RTRAF: variants seen among roughly 807,000 people sequenced by gnomAD.
RTRAF encodes tRNA-splicing ligase complex subunit RTRAF.
A neutral mutation model predicts 34.4 loss-of-function variants in RTRAF; 14 were observed. That is an observed-to-expected ratio of 0.41 (90% CI 0.27 to 0.64). The LOEUF (loss-of-function observed/expected upper bound fraction) is 0.64. Among genes scored for constraint, RTRAF ranks in the 30% least tolerant of loss-of-function variants. RTRAF has a pLI of 0.34. For synonymous variants in RTRAF, 96 were observed against 95.3 expected (o/e 1.01, Z -0.04); for missense variants, 291 against 288.4 (o/e 1.01, Z -0.06).
At position 51,991,300 on chromosome 14, in the gene RTRAF, G is replaced by T; in HGVS notation, c.62-17G>T. The stretch of plus-strand genomic sequence containing the variant: ...ATGTAGTGCTTCTAGTTATTTATGT[G>T]ATATTTTTTATTGCAGATGAAACAG... On this transcript the variant is annotated splice_polypyrimidine_tract_variant and intron_variant, in intron 1 of 7. Transcript: ENST00000261700. 1 of 1,609,948 alleles carries T rather than the reference G, an allele frequency of 6.2e-7. No individual in the cohort carries two copies. The highest frequency in any genetic ancestry group is 1.1e-5 in the South Asian group (1 of 90,752).
At position 52,001,666 on chromosome 14, in the gene RTRAF, A is replaced by G. The variant is rs893896171; in HGVS notation, c.463-132A>G. On this transcript the variant is annotated intron_variant, in intron 5 of 7. Coordinates refer to ENST00000261700, the MANE Select transcript of RTRAF (RefSeq NM_016039.3). ...GTGGGTTTTTTTTATTTTTAATTTA[A>G]TGGGGAGTTTATTAATGAACTTAGG... 4 of 651,440 alleles carry G rather than the reference A, an allele frequency of 6.1e-6. No homozygotes were observed. In the African/African-American group the frequency reaches 7.6e-5, roughly 12 times the overall value. 40.4% of individuals were successfully genotyped at this position (651,440 alleles called of 1,614,324 possible).
chr14:52,003,596 A>C (rs1203224935), intron 6 of RTRAF, among the ~76,000 whole-genome samples: 1 of 152,218 alleles, frequency 6.6e-6, no homozygotes. Context: ...GAAGTTTGGC[A>C]TCACCATAGT....
At chr14:52,002,713 AATG>A (rs1403569164) in intron 6 of RTRAF, among the ~76,000 whole-genome samples, 6 of 152,190 alleles carry the variant, frequency 3.9e-5, no homozygotes, top group African/African-American at 7.2e-5. Context: ...CTCCTGCAGC[AATG>A]ATGTTGTAGT....
rs145760434 is a variant in RTRAF, at chr14:52,008,182, T to C, written c.*3666T>C. ...CTGCCGATATTCGGTCTCAAAAAAC[T>C]GGTTTCTGCCTTAGGGGCTCTCTCT... On this transcript the variant is annotated 3_prime_UTR_variant, in exon 8 of 8. Transcript: ENST00000261700. 1,497 of 450,518 alleles carry C rather than the reference T, an allele frequency of 3.3e-3. 3 individuals carry two copies. Among genetic ancestry groups the C allele is most frequent in the Admixed American group, 7.3e-3 (179 of 24,464 alleles). 27.9% of individuals were successfully genotyped at this position (450,518 alleles called of 1,614,324 possible).
Position 52,006,672 on chromosome 14 carries a change from A to T in RTRAF, c.*2156A>T. 6.2e-7 allele frequency: 1 copy of T among 1,613,050 alleles called. No homozygotes were observed. On this transcript the variant is annotated 3_prime_UTR_variant, in exon 8 of 8. Transcript: ENST00000261700. ...CAGTTTTTTGGTTCCTTTTAAAACA[A>T]AGGGGGAAAATGAGGTCCTTCAGCT...
Position 51,989,681 on chromosome 14 carries a change from C to A in RTRAF, c.42C>A (p.Pro14=). The change falls in exon 1 of 8, where the codon CCC becomes CCA. Residue 14 remains proline, a synonymous_variant. Transcript: ENST00000261700. ...TGACGGCTCTCGACTACCACAACCC[C>A]GCCGGCTTCAACTGCAAAGGTGAGG... ...RKLTALDYHN[P]AGFNCKDETE... The A allele has an allele frequency of 6.2e-7, 1 of 1,605,268 alleles. No homozygotes were observed. The highest frequency in any genetic ancestry group is 2.3e-5 in the East Asian group (1 of 44,090).
rs771401339 is a variant in RTRAF, at chr14:52,004,329, G to A, written c.581-33G>A. The A allele has an allele frequency of 2.1e-5, 34 of 1,610,172 alleles. No individual in the cohort carries two copies. In the Admixed American group the frequency reaches 3.2e-4, roughly 15 times the overall value. ...AAATGGCCTTAAATGTAAAAATTAT[G>A]TATTGAAGCAGTGTTCTTTTCTCAT... On this transcript the variant is annotated intron_variant, in intron 7 of 7. Coordinates refer to ENST00000261700, the MANE Select transcript of RTRAF (RefSeq NM_016039.3).
At chr14:52,001,533 G>T (rs1184011267) in intron 5 of RTRAF, among the ~76,000 whole-genome samples, 1 of 152,046 alleles carries the variant, frequency 6.6e-6, no homozygotes, top group Non-Finnish European at 1.5e-5. Context: ...ATTTAAAGTT[G>T]TTTTTTACCA....
chr14:51,993,437 T>C (rs2140327216), intron 2 of RTRAF, among the ~76,000 whole-genome samples: 1 of 152,306 alleles, frequency 6.6e-6, no homozygotes, highest in East Asian at 1.9e-4. Flanking sequence ...AAAGCTTAGA[T>C]TCTAGTCCCA....
intron 7 of RTRAF, 39 bp downstream of exon 7, chr14:52,004,281 A>G (rs909491485): frequency 6.3e-7 from 1 of 1,597,226 alleles, no homozygotes; most frequent in Admixed American, 1.7e-5. Context: ...TTTTTTTTAC[A>G]GACTGAATAC....
chr14:51,995,580 C>T (rs1890506248), intron 3 of RTRAF, among the ~76,000 whole-genome samples: 1 of 152,132 alleles, frequency 6.6e-6, no homozygotes, highest in Non-Finnish European at 1.5e-5. Flanking sequence ...TTGGGGGGTA[C>T]AGGTCAATAT....
rs918171480 is a variant in RTRAF at position 52,006,392 on chromosome 14, T to G, written c.*1876T>G. 1 of 813,698 alleles carries G rather than the reference T, an allele frequency of 1.2e-6. No individual in the cohort carries two copies. The highest frequency in any genetic ancestry group is 1.8e-5 in the South Asian group (1 of 56,384). The allele number at this position is 813,698 out of a possible 1,614,324, so 50.4% of individuals were successfully genotyped here. ...AAGGATGAAAAACATCCTTGAAGGA[T>G]CTTATCTGCCAATGAGGAGGTGATG... On this transcript the variant is annotated 3_prime_UTR_variant, in exon 8 of 8. Coordinates refer to ENST00000261700, the MANE Select transcript of RTRAF (RefSeq NM_016039.3).
chr14:51,989,737 A>C (rs750176030), intron 1 of RTRAF, 37 bp downstream of exon 1: 1 of 1,569,924 alleles, frequency 6.4e-7, no homozygotes, highest in Non-Finnish European at 8.6e-7. Context: ...CGTGTCCCTG[A>C]CCTGGGCGGA....
rs551517066 is a variant in RTRAF, at chr14:52,004,527, A to ACTT, written c.*13_*15dup. 402 of 1,608,418 alleles carry ACTT rather than the reference A, an allele frequency of 2.5e-4. No homozygotes were observed. The African/African-American group carries it at 3.8e-3, about 15-fold the overall frequency. On this transcript the variant is annotated 3_prime_UTR_variant, in exon 8 of 8. Coordinates refer to ENST00000261700, the MANE Select transcript of RTRAF (RefSeq NM_016039.3). Reference sequence around the variant, plus strand: ...AAAGTTGGAAGATGAACACTTGAGGACTTCAGCTTCTCACCTACTTAGTAC... The same window carrying ACTT: ...AAAGTTGGAAGATGAACACTTGAGGACTTCTTCAGCTTCTCACCTACTTAGTAC...
At position 52,008,084 on chromosome 14, in the gene RTRAF, T is replaced by G; in HGVS notation, c.*3568T>G. 1 of 793,532 alleles carries G rather than the reference T, an allele frequency of 1.3e-6. No individual in the cohort carries two copies. The highest frequency in any genetic ancestry group is 2.0e-6 in the Non-Finnish European group (1 of 508,122). The allele number at this position is 793,532 out of a possible 1,614,324, so 49.2% of individuals were successfully genotyped here. A position where few individuals can be genotyped will look rare whatever the true frequency, so the allele number is the denominator to read the frequency against. ...TGTATTATAGCCTTAAGCAATCCCCTTGAGTTTGGGCTGCATTAGTAGTGT... is the reference window on the plus strand; with the variant it reads ...TGTATTATAGCCTTAAGCAATCCCCGTGAGTTTGGGCTGCATTAGTAGTGT... On this transcript the variant is annotated 3_prime_UTR_variant, in exon 8 of 8. Transcript: ENST00000261700.
chr14:52,005,751 G>C lies in RTRAF; in HGVS notation c.*1235G>C. ...ATACTTTTTACCTGTTGGGCAGTAG[G>C]GGTAGACTGCAGTTATCCCGTAGAG... On this transcript the variant is annotated 3_prime_UTR_variant, in exon 8 of 8. Transcript: ENST00000261700. 6.2e-7 allele frequency: 1 copy of C among 1,612,228 alleles called. No homozygotes were observed. Among genetic ancestry groups the C allele is most frequent in the South Asian group, 1.1e-5 (1 of 91,030 alleles).
chr14:52,003,858 T>TAAC (rs1233129594), intron 6 of RTRAF, among the ~76,000 whole-genome samples: 1 of 152,218 alleles, frequency 6.6e-6, no homozygotes, highest in Admixed American at 6.5e-5. Flanking sequence ...AATAAGACAG[T>TAAC]AACAGCCTGG....
At chr14:51,992,691 A>T (rs1184331707) in intron 2 of RTRAF, among the ~76,000 whole-genome samples, 1 of 152,210 alleles carries the variant, frequency 6.6e-6, no homozygotes, top group East Asian at 1.9e-4. Context: ...TCATGTGTAC[A>T]AGACAGTACA....
In RTRAF at chr14:52,005,580, G is replaced by T; in HGVS notation, c.*1064G>T. Reference sequence around the variant, plus strand: ...GCAACAGCAAGTCTTTGCATTTTGTGTATAAACTAGGTAGATTTAAGGTAG... The same window carrying T: ...GCAACAGCAAGTCTTTGCATTTTGTTTATAAACTAGGTAGATTTAAGGTAG... On this transcript the variant is annotated 3_prime_UTR_variant, in exon 8 of 8. Coordinates refer to ENST00000261700, the MANE Select transcript of RTRAF (RefSeq NM_016039.3). The T allele has an allele frequency of 2.6e-6, 4 of 1,510,026 alleles. No individual in the cohort carries two copies. In the South Asian group the frequency reaches 4.8e-5, roughly 18 times the overall value. The allele number at this position is 1,510,026 out of a possible 1,614,324, so 93.5% of individuals were successfully genotyped here. A position where few individuals can be genotyped will look rare whatever the true frequency, so the allele number is the denominator to read the frequency against.
Sources: gnomAD v4.1 joint callset for allele counts (sites outside exome capture counted in the v4.1 genomes callset) on GRCh38, gnomAD v4.1.1 for gene constraint, MANE v1.5 for transcripts, NCBI Gene and HGNC (gene_info 2026-07-23, HGNC 2026-07-21) for gene names.